The following PDGFD variants were observed in gnomAD, a reference collection of about 807,000 sequenced individuals.
The protein encoded by PDGFD is platelet derived growth factor D.
Under a neutral mutation model 44.7 loss-of-function variants are expected in PDGFD, and 30 were observed. The observed-to-expected ratio is 0.67, with a 90% confidence interval of 0.50 to 0.91. The LOEUF is 0.91. Among genes scored for constraint, PDGFD ranks in the 40% least tolerant of loss-of-function variants. The pLI is 0.00. For missense variants in PDGFD, 445 were observed against 457.8 expected, an observed-to-expected ratio of 0.97 and a Z score of 0.25; for synonymous variants, 173 against 168.4, an observed-to-expected ratio of 1.03 and a Z score of -0.21.
At chr11:103,974,455 TTTTA>T (rs1250430834) in intron 3 of PDGFD, among the ~76,000 whole-genome samples, 3 of 152,142 alleles carry the variant, frequency 2.0e-5, no homozygotes, top group African/African-American at 2.4e-5. Flanking sequence ...CTGTTCACAC[TTTTA>T]TTTATTTATT....
At chr11:104,005,260 G>T (rs993369602) in intron 1 of PDGFD, among the ~76,000 whole-genome samples, 1 of 152,194 alleles carries the variant, frequency 6.6e-6, no homozygotes, top group African/African-American at 2.4e-5. Context: ...CTAGTGAAAG[G>T]TAGAGTTAGA....
chr11:103,919,430 T>C (rs1379091590), intron 6 of PDGFD, among the ~76,000 whole-genome samples: 2 of 151,810 alleles, frequency 1.3e-5, no homozygotes, highest in African/African-American at 2.4e-5. Context: ...ATGGCTGACT[T>C]AGGAACACAA....
chr11:103,951,145 C>G (rs1858749686), intron 3 of PDGFD, among the ~76,000 whole-genome samples: 1 of 152,158 alleles, frequency 6.6e-6, no homozygotes, highest in African/African-American at 2.4e-5. Context: ...AAATGTTAGA[C>G]ACTGAAAAGA....
intron 1 of PDGFD, among the ~76,000 whole-genome samples, chr11:104,004,565 C>T (rs2134369864): frequency 6.6e-6 from 1 of 152,168 alleles, no homozygotes; most frequent in South Asian, 2.1e-4. Context: ...TGAGGGATGA[C>T]TATATTCGTT....
rs1233386060 is a variant in PDGFD at position 103,908,113 on chromosome 11, A to G, written c.*1581T>C. 1.3e-5 allele frequency: 2 copies of G among 152,224 alleles called. No individual in the cohort carries two copies. 9.4% of individuals were successfully genotyped at this position (152,224 alleles called of 1,614,324 possible). ...GTCACCCAAACTGGTTGTAGTTAGT[A>G]GGACCACAAAGTCACTGAAGAAATC... is the stretch of plus-strand genomic sequence containing the variant. On this transcript the variant is annotated 3_prime_UTR_variant, in exon 7 of 7. Transcript: ENST00000393158.
chr11:104,123,298 C>T (rs755901590), intron 1 of PDGFD, among the ~76,000 whole-genome samples: 13 of 151,986 alleles, frequency 8.6e-5, no homozygotes, highest in Non-Finnish European at 1.6e-4. Flanking sequence ...ACAATAATGT[C>T]ATTTTTCTTT....
chr11:104,123,025 T>C (rs1340661515), intron 1 of PDGFD, among the ~76,000 whole-genome samples: 1 of 152,068 alleles, frequency 6.6e-6, no homozygotes, highest in Admixed American at 6.6e-5. Flanking sequence ...ATCCCAAGAA[T>C]TAAAACCACT....
At chr11:104,118,840 AATATATT>A (rs1262417475) in intron 1 of PDGFD, among the ~76,000 whole-genome samples, 19 of 31,122 alleles carry the variant, frequency 6.1e-4, no homozygotes, top group Admixed American at 1.7e-3. Context: ...ATTAATATAT[AATATATT>A]ATATATTATA....
intron 3 of PDGFD, among the ~76,000 whole-genome samples, chr11:103,985,499 C>G (rs1859349465): frequency 6.6e-6 from 1 of 151,506 alleles, no homozygotes; most frequent in South Asian, 2.1e-4. Context: ...CTGTGCCTGC[C>G]CAAGGGCTAG....
chr11:104,084,794 A>C (rs1420465746), intron 1 of PDGFD, among the ~76,000 whole-genome samples: 1 of 145,872 alleles, frequency 6.9e-6, no homozygotes, highest in Non-Finnish European at 1.5e-5. Context: ...ATAATATAAA[A>C]TATATATTTT....
chr11:104,148,650 TTG>T (rs1336921999), intron 1 of PDGFD, among the ~76,000 whole-genome samples: 1 of 152,142 alleles, frequency 6.6e-6, no homozygotes, highest in Non-Finnish European at 1.5e-5. Flanking sequence ...ACAGGTAAAC[TTG>T]TGTCATGGGG....
chr11:103,961,177 T>C (rs146213756), intron 3 of PDGFD, among the ~76,000 whole-genome samples: 3 of 152,262 alleles, frequency 2.0e-5, no homozygotes, highest in East Asian at 3.9e-4. Context: ...CCTTTTACAT[T>C]CAATAAATAG....
chr11:103,995,978 C>A, intron 3 of PDGFD, 87 bp downstream of exon 3: 2 of 1,176,936 alleles, frequency 1.7e-6, no homozygotes, highest in Non-Finnish European at 2.4e-6. Flanking sequence ...GTTCACTCAC[C>A]CTCACTGAAT....
chr11:104,115,188 T>A (rs1861615116), intron 1 of PDGFD, among the ~76,000 whole-genome samples: 1 of 151,370 alleles, frequency 6.6e-6, no homozygotes, highest in African/African-American at 2.4e-5. Flanking sequence ...AGAGTAATAG[T>A]CTCCAATCTC....
chr11:104,021,315 T>C (rs1222750467), intron 1 of PDGFD, among the ~76,000 whole-genome samples: 1 of 152,214 alleles, frequency 6.6e-6, no homozygotes, highest in African/African-American at 2.4e-5. Context: ...TATGATATGA[T>C]AGATTGCATT....
At chr11:104,133,303 A>G (rs1861951362) in intron 1 of PDGFD, among the ~76,000 whole-genome samples, 1 of 152,180 alleles carries the variant, frequency 6.6e-6, no homozygotes, top group African/African-American at 2.4e-5. Context: ...AAAATTAGGA[A>G]CAATTTTCAT....
intron 6 of PDGFD, among the ~76,000 whole-genome samples, chr11:103,916,748 C>T (rs2134302748): frequency 6.6e-6 from 1 of 152,246 alleles, no homozygotes; most frequent in African/African-American, 2.4e-5. Context: ...CCATGAAATA[C>T]TATGCAGCCA....
intron 6 of PDGFD, among the ~76,000 whole-genome samples, chr11:103,913,235 G>T (rs899504608): frequency 1.3e-5 from 2 of 152,022 alleles, no homozygotes; most frequent in African/African-American, 4.8e-5. Context: ...TTTTAAAATT[G>T]ACCATGTAAT....
At chr11:104,068,089 A>G (rs1860818432) in intron 1 of PDGFD, among the ~76,000 whole-genome samples, 2 of 152,182 alleles carry the variant, frequency 1.3e-5, no homozygotes, top group African/African-American at 4.8e-5. Context: ...ATAAGAGATC[A>G]GAAAGTAGCT....
Sources: gnomAD v4.1 joint callset for allele counts (sites outside exome capture counted in the v4.1 genomes callset) on GRCh38, gnomAD v4.1.1 for gene constraint, MANE v1.5 for transcripts, NCBI Gene and HGNC (gene_info 2026-07-23, HGNC 2026-07-21) for gene names.